The following LRBA variants were observed in gnomAD, a reference collection of about 807,000 sequenced individuals.
The protein encoded by LRBA is LPS responsive beige-like anchor protein.
LRBA carries 176 observed loss-of-function variants against 330.0 expected under a neutral mutation model. The observed-to-expected ratio is 0.53, with a 90% CI of 0.47 to 0.60. LRBA has a LOEUF of 0.60. Ranked by LOEUF, LRBA falls within the 20% of genes least tolerant of loss-of-function variation. The probability of loss-of-function intolerance (pLI) is 0.00; values close to 1 mark genes in which losing one functional copy is unlikely to be tolerated. For synonymous variants in LRBA, 1,230 were observed against 1,193.0 expected (o/e 1.03, Z -0.64); for missense variants, 3,259 against 3,444.8 (o/e 0.95, Z 1.35).
intron 40 of LRBA, 93 bp from the exon 41 acceptor site, chr4:150,491,128 G>A: frequency 1.9e-6 from 1 of 520,248 alleles, no homozygotes; most frequent in Non-Finnish European, 3.4e-6. Context: ...ACCCTATTAA[G>A]AAAAATAATT....
Position 150,900,134 on chromosome 4 carries a change from T to G in LRBA, c.1839A>C (p.Thr613=), listed in dbSNP as rs1730562671. The change falls in exon 14 of 57, where the codon ACA becomes ACC. Residue 613 remains threonine, a synonymous_variant. Transcript: ENST00000651943. ...TCAGCGTGTGCATGATGAGAAGCAC[T>G]GTTCCAACTCTCCGAATGGTGTTAT... The part of the protein sequence containing the change: ...NIYNTIRRVG[T]VLLIMHTLKY... 2 of 1,613,096 alleles carry G rather than the reference T, an allele frequency of 1.2e-6. No homozygotes were observed. Among genetic ancestry groups the G allele is most frequent in the South Asian group, 1.1e-5 (1 of 91,058 alleles).
Position 150,891,954 on chromosome 4 carries a change from T to A in LRBA, c.2165+1098A>T, listed in dbSNP as rs114419540. On this transcript the variant is annotated intron_variant, in intron 17 of 56. Transcript: ENST00000651943. Reference sequence around the variant, plus strand: ...AAAAACTTTTAAAATAAGCTGGGCATGGTGGCACACGCCTGTAGTCCCAGC... The same window carrying A: ...AAAAACTTTTAAAATAAGCTGGGCAAGGTGGCACACGCCTGTAGTCCCAGC... 4.7e-3 allele frequency among the ~76,000 whole-genome samples: 712 copies of A among 152,184 alleles called. 7 individuals are homozygous for A. The highest frequency in any genetic ancestry group is 0.016 in the African/African-American group (679 of 41,550).
intron 2 of LRBA, among the ~76,000 whole-genome samples, chr4:150,961,254 T>C (rs1332534922): frequency 6.7e-6 from 1 of 149,376 alleles, no homozygotes; most frequent in Non-Finnish European, 1.5e-5. Context: ...AAATGCATTC[T>C]TGAATCACTG....
At chr4:151,012,582 G>C (rs906617903) in intron 2 of LRBA, among the ~76,000 whole-genome samples, 2 of 152,064 alleles carry the variant, frequency 1.3e-5, no homozygotes, top group South Asian at 2.1e-4. Flanking sequence ...ACACACATGC[G>C]CACACACAAG....
intron 56 of LRBA, among the ~76,000 whole-genome samples, chr4:150,268,054 C>T (rs1250522258): frequency 8.1e-6 from 1 of 122,756 alleles, no homozygotes; most frequent in Non-Finnish European, 1.7e-5. Flanking sequence ...AGTGAGACTC[C>T]ATCTCAAAAA....
chr4:150,449,081 T>A (rs1290780520), intron 44 of LRBA, among the ~76,000 whole-genome samples: 1 of 151,726 alleles, frequency 6.6e-6, no homozygotes, highest in Non-Finnish European at 1.5e-5. Flanking sequence ...AAAACAGAAA[T>A]CAAAATCCTT....
intron 35 of LRBA, among the ~76,000 whole-genome samples, chr4:150,748,625 C>A (rs1733085527): frequency 6.6e-6 from 1 of 151,272 alleles, no homozygotes; most frequent in African/African-American, 2.4e-5. Flanking sequence ...TGAGATCACA[C>A]CATTGCACTC....
chr4:150,814,661 GA>G (rs1283855979), intron 31 of LRBA, among the ~76,000 whole-genome samples: 3 of 150,366 alleles, frequency 2.0e-5, no homozygotes, highest in Non-Finnish European at 1.5e-5. Context: ...CTAAGGAGGG[GA>G]AAAAAGTTTA....
chr4:150,388,409 A>G (rs1188457428), intron 47 of LRBA, among the ~76,000 whole-genome samples: 1 of 152,186 alleles, frequency 6.6e-6, no homozygotes, highest in African/African-American at 2.4e-5. Context: ...AATGCCTCCA[A>G]AGTTTTAACC....
At chr4:150,280,575 A>G (rs1299385448) in intron 55 of LRBA, among the ~76,000 whole-genome samples, 1 of 152,264 alleles carries the variant, frequency 6.6e-6, no homozygotes, top group Non-Finnish European at 1.5e-5. Flanking sequence ...AAAATGCCAC[A>G]GAGCAATCTG....
intron 51 of LRBA, among the ~76,000 whole-genome samples, chr4:150,312,798 CAG>C (rs1414741191): frequency 7.2e-5 from 11 of 151,982 alleles, no homozygotes; most frequent in Admixed American, 2.6e-4. Flanking sequence ...GCCACTAATG[CAG>C]AGAGTTCAAA....
chr4:150,331,248 A>G (rs907111230), intron 48 of LRBA, among the ~76,000 whole-genome samples: 8 of 152,310 alleles, frequency 5.3e-5, no homozygotes, highest in African/African-American at 1.9e-4. Context: ...TAGAGCAATA[A>G]AAAATTTAAA....
intron 34 of LRBA, among the ~76,000 whole-genome samples, chr4:150,781,037 G>A (rs905792227): frequency 2.0e-5 from 3 of 151,824 alleles, no homozygotes; most frequent in South Asian, 4.2e-4. Flanking sequence ...CCACCACCAC[G>A]CCTGGCTAAT....
chr4:150,515,541 G>A (rs1052851662), intron 40 of LRBA, among the ~76,000 whole-genome samples: 3 of 151,858 alleles, frequency 2.0e-5, no homozygotes, highest in Non-Finnish European at 2.9e-5. Flanking sequence ...ACAGGGCCTG[G>A]CACATCATAA....
chr4:150,948,411 C>A (rs1736459147), intron 2 of LRBA, among the ~76,000 whole-genome samples: 1 of 151,954 alleles, frequency 6.6e-6, no homozygotes, highest in Non-Finnish European at 1.5e-5. Flanking sequence ...GGTACTGGAA[C>A]AATTACAAAT....
intron 37 of LRBA, among the ~76,000 whole-genome samples, chr4:150,667,903 T>A (rs1781710388): frequency 6.6e-6 from 1 of 152,168 alleles, no homozygotes; most frequent in Non-Finnish European, 1.5e-5. Flanking sequence ...AAGACAAGCC[T>A]CCAGAGGAAA....
At chr4:150,639,263 T>C (rs1274413936) in intron 37 of LRBA, among the ~76,000 whole-genome samples, 1 of 136,184 alleles carries the variant, frequency 7.3e-6, no homozygotes, top group Non-Finnish European at 1.5e-5. Flanking sequence ...TAATGCTAGA[T>C]GACGAGTTAG....
chr4:150,928,113 T>G (rs1049213612), intron 4 of LRBA, among the ~76,000 whole-genome samples: 15 of 152,270 alleles, frequency 9.9e-5, no homozygotes, highest in African/African-American at 3.6e-4. Context: ...CTCAAGAGGG[T>G]AGATCCAATT....
At chr4:150,277,004 G>T (rs1436407455) in intron 56 of LRBA, among the ~76,000 whole-genome samples, 21 of 152,272 alleles carry the variant, frequency 1.4e-4, no homozygotes, top group Admixed American at 1.3e-3. Context: ...ATTCACAATA[G>T]CAAAGACTTG....
Sources: gnomAD v4.1 joint callset for allele counts (sites outside exome capture counted in the v4.1 genomes callset) on GRCh38, gnomAD v4.1.1 for gene constraint, MANE v1.5 for transcripts, NCBI Gene and HGNC (gene_info 2026-07-23, HGNC 2026-07-21) for gene names.